CSMD1: variants seen among roughly 807,000 people sequenced by gnomAD.
The protein encoded by CSMD1 is CUB and sushi domain-containing protein 1.
A neutral mutation model predicts 417.5 loss-of-function variants in CSMD1; 213 were observed. That is an observed-to-expected ratio of 0.51 (90% CI 0.46 to 0.57). CSMD1 has a LOEUF of 0.57. Ranked by LOEUF, CSMD1 falls within the 20% of genes least tolerant of loss-of-function variation. CSMD1 has a pLI of 0.00. For synonymous variants in CSMD1, 2,862 were observed against 1,736.8 expected (o/e 1.65, Z -16.11); for missense variants, 6,923 against 4,529.7 (o/e 1.53, Z -15.17).
intron 5 of CSMD1, among the ~76,000 whole-genome samples, chr8:3,882,984 G>T (rs1029655443): frequency 3.9e-5 from 6 of 152,152 alleles, no homozygotes; most frequent in Non-Finnish European, 8.8e-5. Flanking sequence ...ACTCTCAATA[G>T]CTGATATGTG....
chr8:4,064,452 T>G (rs1799139328), intron 3 of CSMD1, among the ~76,000 whole-genome samples: 1 of 152,194 alleles, frequency 6.6e-6, no homozygotes, highest in African/African-American at 2.4e-5. Flanking sequence ...GTTTTAAATT[T>G]TCATATATCA....
At chr8:3,619,146 T>G (rs59000463) in intron 7 of CSMD1, among the ~76,000 whole-genome samples, 79,248 of 151,364 alleles carry the variant, frequency 0.52, 20,851 homozygotes, top group Middle Eastern at 0.6. Flanking sequence ...AAGATGAGGT[T>G]AGATTCTTTG....
rs143166734 is a variant in CSMD1, at chr8:4,193,163, C to T, written c.416-161064G>A. On this transcript the variant is annotated intron_variant, in intron 3 of 69. Coordinates refer to ENST00000635120, the MANE Select transcript of CSMD1 (RefSeq NM_033225.6). ...TCTGTAAAAGATAAGTTGCCCAGTA[C>T]CATGCATTTAACCTCAGCTCTTTGG... 7.7e-3 allele frequency among the ~76,000 whole-genome samples: 1,172 copies of T among 152,230 alleles called. 6 individuals carry two copies. Among genetic ancestry groups the T allele is most frequent in the Non-Finnish European group, 0.012 (813 of 68,028 alleles).
chr8:4,328,058 G>C (rs1004183163), intron 3 of CSMD1, among the ~76,000 whole-genome samples: 2 of 152,024 alleles, frequency 1.3e-5, no homozygotes, highest in Non-Finnish European at 2.9e-5. Context: ...CAAGTACTAA[G>C]CTCTGCACTC....
intron 3 of CSMD1, among the ~76,000 whole-genome samples, chr8:4,207,902 A>G (rs1019902423): frequency 5.9e-5 from 9 of 152,248 alleles, no homozygotes; most frequent in South Asian, 2.1e-4. Flanking sequence ...AGCAACAAAC[A>G]TAACTATATT....
At chr8:4,335,794 TGTGATCCCATGGAAG>T (rs1426779928) in intron 3 of CSMD1, among the ~76,000 whole-genome samples, 41 of 152,142 alleles carry the variant, frequency 2.7e-4, no homozygotes, top group African/African-American at 9.6e-4. Flanking sequence ...CCACGTTACC[TGTGATCCCATGGAAG>T]ATACAACATT....
At chr8:2,995,201 C>G (rs1400936278) in intron 54 of CSMD1, among the ~76,000 whole-genome samples, 1 of 151,960 alleles carries the variant, frequency 6.6e-6, no homozygotes, top group Non-Finnish European at 1.5e-5. Flanking sequence ...AAAAAGCAAA[C>G]AAAAAAATCC....
chr8:3,566,637 C>T lies in CSMD1; in HGVS notation c.1344+8308G>A, dbSNP rs1407718661. ...GGCAAAGATATGAACAGACACTTTTCAAAAGAATATATACATTCAGCTAAG... is the reference window on the plus strand; with the variant it reads ...GGCAAAGATATGAACAGACACTTTTTAAAAGAATATATACATTCAGCTAAG... On this transcript the variant is annotated intron_variant, in intron 10 of 69. Transcript: ENST00000635120. 2.6e-5 allele frequency among the ~76,000 whole-genome samples: 4 copies of T among 151,854 alleles called. No individual in the cohort carries two copies. The East Asian group carries it at 7.7e-4, about 29-fold the overall frequency.
intron 5 of CSMD1, among the ~76,000 whole-genome samples, chr8:3,956,268 T>G (rs146628158): frequency 7.0e-4 from 106 of 152,352 alleles, no homozygotes; most frequent in Middle Eastern, 3.4e-3. Context: ...CATTTGACTT[T>G]TAAAACAATG....
chr8:4,451,800 CTT>C (rs1302044355), intron 2 of CSMD1, among the ~76,000 whole-genome samples: 2 of 151,998 alleles, frequency 1.3e-5, no homozygotes, highest in Non-Finnish European at 2.9e-5. Context: ...ACAATGCCAT[CTT>C]AAAGGATGGG....
At chr8:4,655,909 G>A (rs1047795673) in intron 1 of CSMD1, among the ~76,000 whole-genome samples, 4 of 152,270 alleles carry the variant, frequency 2.6e-5, no homozygotes, top group African/African-American at 9.6e-5. Context: ...TGTCAACTGT[G>A]TGGACACTGT....
At chr8:4,326,313 C>A (rs1185439242) in intron 3 of CSMD1, among the ~76,000 whole-genome samples, 1 of 152,128 alleles carries the variant, frequency 6.6e-6, no homozygotes, top group Non-Finnish European at 1.5e-5. Context: ...CGGATAAGTC[C>A]TTTGAAAATA....
At chr8:3,267,870 G>C (rs569455838) in intron 26 of CSMD1, among the ~76,000 whole-genome samples, 3 of 152,106 alleles carry the variant, frequency 2.0e-5, no homozygotes, top group Non-Finnish European at 4.4e-5. Context: ...CAGGGCCATA[G>C]GGACCTGCAT....
Position 4,761,885 on chromosome 8 carries a change from AT to A in CSMD1, c.86-124328del, listed in dbSNP as rs1563319251. On this transcript the variant is annotated intron_variant, in intron 1 of 69. Transcript: ENST00000635120. Reference sequence around the variant, plus strand: ...TATCTATCTATCTATCTATCTATCTATCTACCTACCTATCTATCTATCTATC... The same window carrying A: ...TATCTATCTATCTATCTATCTATCTACTACCTACCTATCTATCTATCTATC... Among the ~76,000 whole-genome samples, 530 of 76,178 alleles carry A rather than the reference AT, an allele frequency of 7.0e-3. 4 individuals carry two copies. Among genetic ancestry groups the A allele is most frequent in the East Asian group, 0.016 (28 of 1,734 alleles). 50.0% of individuals were successfully genotyped at this position (76,178 alleles called of 152,430 possible).
At chr8:3,568,911 G>A (rs1799830933) in intron 10 of CSMD1, among the ~76,000 whole-genome samples, 1 of 151,982 alleles carries the variant, frequency 6.6e-6, no homozygotes, top group African/African-American at 2.4e-5. Context: ...AGACCCCAGG[G>A]ATAAACTTTT....
intron 3 of CSMD1, among the ~76,000 whole-genome samples, chr8:4,342,648 T>C (rs566220669): frequency 6.6e-6 from 1 of 152,192 alleles, no homozygotes; most frequent in African/African-American, 2.4e-5. Context: ...TTTATTTTCA[T>C]CACATGTGAT....
chr8:4,672,409 T>C (rs1312552544), intron 1 of CSMD1, among the ~76,000 whole-genome samples: 3 of 152,186 alleles, frequency 2.0e-5, no homozygotes, highest in African/African-American at 4.8e-5. Context: ...CTTTGAAGTA[T>C]GGGCAGAAAA....
chr8:3,711,300 G>A (rs1397535541), intron 6 of CSMD1, among the ~76,000 whole-genome samples: 1 of 152,144 alleles, frequency 6.6e-6, no homozygotes, highest in Non-Finnish European at 1.5e-5. Context: ...CAGGGATCCT[G>A]GCATTGACTC....
intron 46 of CSMD1, among the ~76,000 whole-genome samples, chr8:3,105,527 C>T (rs1816075128): frequency 6.6e-6 from 1 of 152,186 alleles, no homozygotes; most frequent in African/African-American, 2.4e-5. Flanking sequence ...AAAGTGGTGT[C>T]TATTAATATT....
Sources: gnomAD v4.1 joint callset for allele counts (sites outside exome capture counted in the v4.1 genomes callset) on GRCh38, gnomAD v4.1.1 for gene constraint, MANE v1.5 for transcripts, NCBI Gene and HGNC (gene_info 2026-07-23, HGNC 2026-07-21) for gene names.